NEDD4: variants seen among roughly 807,000 people sequenced by gnomAD.
NEDD4 encodes the protein NEDD4 E3 ubiquitin protein ligase, also known as E3 ubiquitin-protein ligase NEDD4.
Under a neutral mutation model 144.9 loss-of-function variants are expected in NEDD4, and 99 were observed. The observed-to-expected ratio is 0.68, with a 90% CI of 0.58 to 0.81. NEDD4 has a LOEUF of 0.81. Ranked by LOEUF, NEDD4 falls within the 30% of genes least tolerant of loss-of-function variation. The probability of loss-of-function intolerance (pLI) is 0.00; values close to 1 mark genes in which losing one functional copy is unlikely to be tolerated. For synonymous variants in NEDD4, 318 were observed against 350.6 expected (o/e 0.91, Z 1.04); for missense variants, 985 against 1,065.9 (o/e 0.92, Z 1.06).
chr15:55,904,761 G>A (rs902839072), intron 5 of NEDD4, among the ~76,000 whole-genome samples: 6 of 152,106 alleles, frequency 3.9e-5, no homozygotes. Context: ...CTTTCTAGGA[G>A]TGTATATGCT....
At chr15:55,933,534 T>TGGGGGGG (rs2036823957) in intron 4 of NEDD4, among the ~76,000 whole-genome samples, 1 of 40,516 alleles carries the variant, frequency 2.5e-5, no homozygotes, top group African/African-American at 1.0e-4. Flanking sequence ...TGTCGTGGGG[T>TGGGGGGG]GGGGGGAGGG....
intron 4 of NEDD4, among the ~76,000 whole-genome samples, 176 bp downstream of exon 4, chr15:55,951,200 C>T (rs1026940591): frequency 6.6e-6 from 1 of 152,122 alleles, no homozygotes; most frequent in Non-Finnish European, 1.5e-5. Context: ...TTTACCTCTC[C>T]ATTATCTTAC....
At chr15:55,919,652 C>A (rs2036532591) in intron 5 of NEDD4, among the ~76,000 whole-genome samples, 1 of 152,180 alleles carries the variant, frequency 6.6e-6, no homozygotes. Context: ...AGGGACATGG[C>A]AGCCCTCATC....
At chr15:55,979,794 T>C (rs1016379294) in intron 1 of NEDD4, among the ~76,000 whole-genome samples, 8 of 152,238 alleles carry the variant, frequency 5.3e-5, no homozygotes, top group African/African-American at 1.9e-4. Flanking sequence ...CAGAGGCTCA[T>C]TTATGTAGCA....
chr15:55,897,008 C>A (rs1264646263), intron 5 of NEDD4, among the ~76,000 whole-genome samples: 1 of 152,068 alleles, frequency 6.6e-6, no homozygotes, highest in East Asian at 1.9e-4. Context: ...GAGTCTCACT[C>A]TGTTGCCCAG....
chr15:55,837,951 G>C (rs1347697769), intron 23 of NEDD4, 102 bp from the exon 24 acceptor site: 5 of 1,021,148 alleles, frequency 4.9e-6, no homozygotes, highest in Non-Finnish European at 5.9e-6. Flanking sequence ...TGAGACCAAG[G>C]TAAAAGCTGA....
At position 55,938,307 on chromosome 15, in the gene NEDD4, C is replaced by T. The variant is rs187183791; in HGVS notation, c.237+13069G>A. ...CTGGGAGGTGGTGGTTGCGGTGAGC[C>T]GAGATCGTGCCACTGCATTCCAGTG... On this transcript the variant is annotated intron_variant, in intron 4 of 28. Transcript: ENST00000435532. Among the ~76,000 whole-genome samples the T allele has an allele frequency of 1.1e-4, 17 of 151,984 alleles. No individual in the cohort carries two copies. In the East Asian group the frequency reaches 2.1e-3, roughly 19 times the overall value.
At chr15:55,923,659 A>AAAAAAAAT (rs546642962) in intron 5 of NEDD4, among the ~76,000 whole-genome samples, 4 of 135,264 alleles carry the variant, frequency 3.0e-5, no homozygotes, top group Admixed American at 7.7e-5. Flanking sequence ...AAAAAAAAAA[A>AAAAAAAAT]ATATATATAT....
chr15:55,850,811 G>A, intron 13 of NEDD4, 69 bp from the exon 14 acceptor site: 1 of 1,411,488 alleles, frequency 7.1e-7, no homozygotes, highest in Non-Finnish European at 9.5e-7. Flanking sequence ...TAGTTAAAAA[G>A]GTAACTTAAC....
chr15:55,859,596 C>T (rs562603311), intron 11 of NEDD4, among the ~76,000 whole-genome samples: 1 of 152,282 alleles, frequency 6.6e-6, no homozygotes, highest in African/African-American at 2.4e-5. Context: ...ATTCAGGAGG[C>T]TGAGGCATGA....
At chr15:55,908,382 T>A (rs1200091138) in intron 5 of NEDD4, among the ~76,000 whole-genome samples, 2 of 152,196 alleles carry the variant, frequency 1.3e-5, no homozygotes, top group Non-Finnish European at 2.9e-5. Flanking sequence ...TTTTTTCTGC[T>A]GCATGTACAC....
chr15:55,904,258 G>A (rs1438253076), intron 5 of NEDD4, among the ~76,000 whole-genome samples: 1 of 152,054 alleles, frequency 6.6e-6, no homozygotes, highest in Non-Finnish European at 1.5e-5. Flanking sequence ...CTACTAGAAG[G>A]CTGTTAGGGT....
chr15:55,877,022 GAATTTCAGATTTAAAAA>G (rs1418057638), intron 5 of NEDD4, among the ~76,000 whole-genome samples: 2 of 151,770 alleles, frequency 1.3e-5, no homozygotes, highest in Non-Finnish European at 2.9e-5. Context: ...CATTTTAAAA[GAATTTCAGATTTAAAAA>G]AATTGCAAAA....
chr15:55,842,304 A>G, intron 18 of NEDD4, 141 bp from the exon 19 acceptor site: 1 of 673,856 alleles, frequency 1.5e-6, no homozygotes, highest in Non-Finnish European at 2.5e-6. Context: ...GGAAAACACA[A>G]CTAGGTATAT....
Position 55,856,201 on chromosome 15 carries a change from T to C in NEDD4, c.961-5A>G. 6.2e-7 allele frequency: 1 copy of C among 1,609,874 alleles called. No individual in the cohort carries two copies. Among genetic ancestry groups the C allele is most frequent in the Non-Finnish European group, 8.5e-7 (1 of 1,178,690 alleles). On this transcript the variant is annotated splice_polypyrimidine_tract_variant and splice_region_variant and intron_variant, in intron 11 of 28. Transcript: ENST00000435532. ...GCCTCTTCTGCTGGAATGATTCTTG[T>C]GAAAAAACAAGACAACAGAAGAATA...
intron 5 of NEDD4, chr15:55,916,413 A>C (rs145779563): frequency 6.2e-7 from 1 of 1,614,080 alleles, no homozygotes; most frequent in East Asian, 2.2e-5. Context: ...ACTGCTTACA[A>C]GGTGACCATC....
intron 1 of NEDD4, 30 bp from the exon 2 acceptor site, chr15:55,966,576 C>T: frequency 7.3e-7 from 1 of 1,369,580 alleles, no homozygotes; most frequent in Non-Finnish European, 9.9e-7. Flanking sequence ...ATTTCATTTT[C>T]ATGTACTTAT....
At chr15:55,901,956 T>C (rs1381777991) in intron 5 of NEDD4, among the ~76,000 whole-genome samples, 1 of 152,126 alleles carries the variant, frequency 6.6e-6, no homozygotes, top group Non-Finnish European at 1.5e-5. Context: ...GGAAAAGCTA[T>C]AATAGGAACT....
At chr15:55,864,811 A>G (rs1289078065) in intron 8 of NEDD4, among the ~76,000 whole-genome samples, 1 of 152,186 alleles carries the variant, frequency 6.6e-6, no homozygotes, top group Non-Finnish European at 1.5e-5. Flanking sequence ...CCAGATAAAA[A>G]CACATTATAA....
Sources: gnomAD v4.1 joint callset for allele counts (sites outside exome capture counted in the v4.1 genomes callset) on GRCh38, gnomAD v4.1.1 for gene constraint, MANE v1.5 for transcripts, NCBI Gene and HGNC (gene_info 2026-07-23, HGNC 2026-07-21) for gene names.